SEMA3C: variants seen among roughly 807,000 people sequenced by gnomAD.
The protein encoded by SEMA3C is semaphorin 3C.
SEMA3C carries 47 observed loss-of-function variants against 89.4 expected under a neutral mutation model. The observed-to-expected ratio is 0.53, with a 90% CI of 0.42 to 0.67. SEMA3C has a LOEUF of 0.67. Among genes scored for constraint, SEMA3C ranks in the 30% least tolerant of loss-of-function variants. SEMA3C has a pLI of 0.00. For synonymous variants in SEMA3C, 310 were observed against 320.2 expected (o/e 0.97, Z 0.34); for missense variants, 839 against 929.1 (o/e 0.90, Z 1.26).
At chr7:80,909,568 A>G (rs1204839877) in intron 2 of SEMA3C, among the ~76,000 whole-genome samples, 1 of 152,182 alleles carries the variant, frequency 6.6e-6, no homozygotes, top group African/African-American at 2.4e-5. Flanking sequence ...TAAGGCAAGA[A>G]TATTTAGCAT....
intron 9 of SEMA3C, among the ~76,000 whole-genome samples, chr7:80,801,104 T>C (rs1789196639): frequency 6.6e-6 from 1 of 152,096 alleles, no homozygotes. Flanking sequence ...TTACATAATA[T>C]GGACTAGAAC....
At chr7:80,918,742 T>C (rs1792338505) in intron 1 of SEMA3C, 86 bp downstream of exon 1, 2 of 815,694 alleles carry the variant, frequency 2.5e-6, no homozygotes, top group South Asian at 1.1e-4. Context: ...GGCTTGAGCA[T>C]ACCAATGTAT....
chr7:80,885,358 T>G (rs1026085224), intron 2 of SEMA3C, among the ~76,000 whole-genome samples: 1 of 152,176 alleles, frequency 6.6e-6, no homozygotes. Context: ...GGCTTACACC[T>G]GTAATCCTAG....
intron 2 of SEMA3C, among the ~76,000 whole-genome samples, chr7:80,874,327 T>C (rs772803613): frequency 2.0e-5 from 3 of 152,188 alleles, no homozygotes; most frequent in Non-Finnish European, 4.4e-5. Flanking sequence ...CTTTGCATAC[T>C]GGTTGTTAGG....
intron 2 of SEMA3C, among the ~76,000 whole-genome samples, chr7:80,858,840 A>T (rs539348390): frequency 1.3e-5 from 2 of 152,320 alleles, no homozygotes; most frequent in East Asian, 1.9e-4. Context: ...AAATAGAGCA[A>T]GTATGAATTC....
chr7:80,885,606 G>A (rs569037007), intron 2 of SEMA3C, among the ~76,000 whole-genome samples: 53 of 152,260 alleles, frequency 3.5e-4, no homozygotes, highest in Middle Eastern at 3.4e-3. Context: ...AACACAGTGA[G>A]ACCCTATCTC....
chr7:80,797,961 A>G (rs1437162454), intron 11 of SEMA3C, 131 bp downstream of exon 11: 25 of 838,958 alleles, frequency 3.0e-5, no homozygotes, highest in Non-Finnish European at 4.3e-5. Context: ...TTGCACCACT[A>G]CATTCCACCC....
At chr7:80,916,564 A>G (rs1204930878) in intron 2 of SEMA3C, 115 bp downstream of exon 2, 1 of 907,534 alleles carries the variant, frequency 1.1e-6, no homozygotes, top group African/African-American at 1.7e-5. Flanking sequence ...AGCCCAGTAA[A>G]TATTTTTAAA....
At chr7:80,829,123 T>C (rs1255831653) in intron 2 of SEMA3C, among the ~76,000 whole-genome samples, 1 of 152,040 alleles carries the variant, frequency 6.6e-6, no homozygotes, top group Admixed American at 6.6e-5. Context: ...GCTATGATCA[T>C]GCTACTGCAC....
intron 2 of SEMA3C, among the ~76,000 whole-genome samples, chr7:80,834,567 C>T (rs1177018838): frequency 2.0e-5 from 3 of 152,142 alleles, no homozygotes; most frequent in East Asian, 3.8e-4. Context: ...TAAGAACAAA[C>T]GTTTGTTCTC....
chr7:80,853,729 G>A (rs1486661378), intron 2 of SEMA3C, among the ~76,000 whole-genome samples: 2 of 152,130 alleles, frequency 1.3e-5, no homozygotes, highest in Non-Finnish European at 2.9e-5. Context: ...GCTAACTACA[G>A]TCAACAATAA....
At chr7:80,787,436 C>T (rs1486484990) in intron 12 of SEMA3C, among the ~76,000 whole-genome samples, 1 of 149,692 alleles carries the variant, frequency 6.7e-6, no homozygotes, top group Non-Finnish European at 1.5e-5. Context: ...AATAGACAGA[C>T]CCTCAGGGAA....
chr7:80,803,799 T>C (rs978515596), intron 8 of SEMA3C, among the ~76,000 whole-genome samples: 1 of 152,122 alleles, frequency 6.6e-6, no homozygotes, highest in African/African-American at 2.4e-5. Flanking sequence ...ATGCAAAAAT[T>C]TGTCAGAAGT....
chr7:80,861,275 G>C (rs1023891717), intron 2 of SEMA3C, among the ~76,000 whole-genome samples: 3 of 152,092 alleles, frequency 2.0e-5, no homozygotes, highest in African/African-American at 7.2e-5. Flanking sequence ...CAGGGCAACA[G>C]CTTCTAGATC....
intron 2 of SEMA3C, among the ~76,000 whole-genome samples, chr7:80,847,668 C>T (rs1790421873): frequency 6.6e-6 from 1 of 152,050 alleles, no homozygotes; most frequent in African/African-American, 2.4e-5. Context: ...AATGAATCCA[C>T]AATATAATTT....
At chr7:80,873,785 T>C (rs959279771) in intron 2 of SEMA3C, among the ~76,000 whole-genome samples, 2 of 152,184 alleles carry the variant, frequency 1.3e-5, no homozygotes, top group African/African-American at 4.8e-5. Flanking sequence ...GGAGTGATAC[T>C]CTCATTTCCA....
At chr7:80,881,643 T>C (rs182967433) in intron 2 of SEMA3C, among the ~76,000 whole-genome samples, 226 of 152,348 alleles carry the variant, frequency 1.5e-3, no homozygotes, top group Non-Finnish European at 2.6e-3. Flanking sequence ...ATATTTGTCT[T>C]AGTAATCATG....
Position 80,916,892 on chromosome 7 carries a change from A to G in SEMA3C, c.-38-73T>C, listed in dbSNP as rs1183858783. 5 of 1,234,424 alleles carry G rather than the reference A, an allele frequency of 4.1e-6. No homozygotes were observed. The East Asian group carries it at 1.2e-4, about 30-fold the overall frequency. 76.5% of individuals were successfully genotyped at this position (1,234,424 alleles called of 1,614,324 possible). A position where few individuals can be genotyped will look rare whatever the true frequency, so the allele number is the denominator to read the frequency against. ...GGAGTAGGAAAAAACAGCAATCTAG[A>G]CAAAACACCCTATTCACAAAAGAAC... On this transcript the variant is annotated intron_variant, in intron 1 of 17. Coordinates refer to ENST00000265361, the MANE Select transcript of SEMA3C (RefSeq NM_006379.5).
At chr7:80,750,479 C>T (rs1180999258) in intron 16 of SEMA3C, among the ~76,000 whole-genome samples, 168 of 122,902 alleles carry the variant, frequency 1.4e-3, no homozygotes, top group African/African-American at 2.4e-3. Context: ...TATATACACA[C>T]ACACACACAC....
Sources: gnomAD v4.1 joint callset for allele counts (sites outside exome capture counted in the v4.1 genomes callset) on GRCh38, gnomAD v4.1.1 for gene constraint, MANE v1.5 for transcripts, NCBI Gene and HGNC (gene_info 2026-07-23, HGNC 2026-07-21) for gene names.